TG: variants seen among roughly 807,000 people sequenced by gnomAD.
The protein encoded by TG is thyroid hormones.
In TG, 270 loss-of-function variants were observed where a neutral mutation model predicts 324.7. That is an observed-to-expected ratio of 0.83 (90% CI 0.75 to 0.92). TG has a LOEUF of 0.92. Ranked by LOEUF, TG falls within the 40% of genes least tolerant of loss-of-function variation. The probability of loss-of-function intolerance (pLI) is 0.00; values close to 1 mark genes in which losing one functional copy is unlikely to be tolerated. For missense variants in TG, 3,591 were observed against 3,456.4 expected (o/e 1.04, Z -0.98); for synonymous variants, 1,401 against 1,327.0 (o/e 1.06, Z -1.21).
Position 132,948,757 on chromosome 8 carries a change from T to G in TG, c.5234-19T>G. The G allele has an allele frequency of 6.2e-7, 1 of 1,612,896 alleles. No individual in the cohort carries two copies. The highest frequency in any genetic ancestry group is 1.7e-5 in the Admixed American group (1 of 60,022). On this transcript the variant is annotated intron_variant, in intron 26 of 47. Coordinates refer to ENST00000220616, the MANE Select transcript of TG (RefSeq NM_003235.5). ...CCCCCTCCATCACACTGACCTCTCC[T>G]ACCTCTTGTGATTCTCAGGTGCCAT...
chr8:132,906,422 A>G lies in TG; in HGVS notation c.3635-266A>G, dbSNP rs137896254. Among the ~76,000 whole-genome samples the G allele has an allele frequency of 2.0e-4, 30 of 152,242 alleles. No homozygotes were observed. The East Asian group carries it at 3.9e-3, about 20-fold the overall frequency. On this transcript the variant is annotated intron_variant, in intron 16 of 47. Transcript: ENST00000220616. ...GGCTTTAGAGATGAGAAGAAGCTCGAGTGCCTGAGCTGGACATCAAGCTAC... is the reference window on the plus strand; with the variant it reads ...GGCTTTAGAGATGAGAAGAAGCTCGGGTGCCTGAGCTGGACATCAAGCTAC...
At chr8:132,949,451 A>T (rs2687845) in intron 27 of TG, among the ~76,000 whole-genome samples, 1 of 152,156 alleles carries the variant, frequency 6.6e-6, no homozygotes, top group Non-Finnish European at 1.5e-5. Context: ...GGTGGGAAAT[A>T]GACTCTACTC....
At chr8:133,000,493 G>C (rs1833354627) in intron 35 of TG, among the ~76,000 whole-genome samples, 1 of 152,228 alleles carries the variant, frequency 6.6e-6, no homozygotes. Flanking sequence ...CCAAGTCACA[G>C]AGCTGGCAGG....
At position 133,055,379 on chromosome 8, in the gene TG, A is replaced by G. The variant is rs990328906; in HGVS notation, c.7239+25356A>G. ...CACGCACGCGCGCACACACACACAC[A>G]CACACACACACACACACACACACAC... On this transcript the variant is annotated intron_variant, in intron 41 of 47. Coordinates refer to ENST00000220616, the MANE Select transcript of TG (RefSeq NM_003235.5). 1.4e-4 allele frequency among the ~76,000 whole-genome samples: 10 copies of G among 69,118 alleles called. No individual in the cohort carries two copies. The East Asian group carries it at 3.1e-3, about 21-fold the overall frequency. 45.3% of individuals were successfully genotyped at this position (69,118 alleles called of 152,430 possible).
intron 43 of TG, among the ~76,000 whole-genome samples, chr8:133,097,522 A>C (rs1274102620): frequency 6.6e-6 from 1 of 152,250 alleles, no homozygotes; most frequent in Non-Finnish European, 1.5e-5. Context: ...TACTGGCTTA[A>C]GTGATGCCTC....
At position 133,131,871 on chromosome 8, in the gene TG, A is replaced by G. The variant is rs1426716160; in HGVS notation, c.7922A>G (p.Glu2641Gly). 4 of 1,613,990 alleles carry G rather than the reference A, an allele frequency of 2.5e-6. No homozygotes were observed. The African/African-American group carries it at 5.3e-5, about 22-fold the overall frequency. The change falls in exon 46 of 48, where the codon GAG (glutamate) becomes GGG (glycine). Residue 2641 changes from glutamate (E) to glycine (G), a missense_variant. Coordinates refer to ENST00000220616, the MANE Select transcript of TG (RefSeq NM_003235.5). ...GGGCTTCCCTTCTACCCAGCCTACG[A>G]GGGGCAGTTTTCTCTGGAGGAGAAG... ...ALGLPFYPAY[E>G]GQFSLEEKSL...
chr8:133,111,181 C>G (rs532235589), intron 43 of TG, among the ~76,000 whole-genome samples: 1 of 152,250 alleles, frequency 6.6e-6, no homozygotes, highest in African/African-American at 2.4e-5. Context: ...GTGTCCACAG[C>G]TCTGATGTGG....
intron 41 of TG, chr8:133,047,836 T>G: frequency 6.3e-7 from 1 of 1,578,566 alleles, no homozygotes; most frequent in Non-Finnish European, 8.7e-7. Context: ...TCACCTTTCT[T>G]GGTCTCACTC....
At chr8:132,991,030 G>A (rs1269987757) in intron 35 of TG, among the ~76,000 whole-genome samples, 1 of 137,334 alleles carries the variant, frequency 7.3e-6, no homozygotes, top group Non-Finnish European at 1.6e-5. Flanking sequence ...TTGTCTCGGT[G>A]GAGGCCTCAG....
At chr8:132,966,478 G>A in intron 29 of TG, 82 bp from the exon 30 acceptor site, 1 of 1,445,472 alleles carries the variant, frequency 6.9e-7, no homozygotes, top group East Asian at 2.3e-5. Context: ...GTGTGTGTGT[G>A]TGTGTGTGTT....
Position 132,983,102 on chromosome 8 carries a change from C to T in TG, c.6200-248C>T, listed in dbSNP as rs1564035690. On this transcript the variant is annotated intron_variant, in intron 34 of 47. Transcript: ENST00000220616. ...GAGACGATAACATAGAGCAAAGCCC[C>T]CAGCCTCTCTGCAGTAGGCAGGTGG... Among the ~76,000 whole-genome samples the T allele has an allele frequency of 2.0e-5, 3 of 152,078 alleles. No homozygotes were observed. In the South Asian group the frequency reaches 6.2e-4, roughly 32 times the overall value.
chr8:133,010,274 C>T (rs1834391126), intron 35 of TG, among the ~76,000 whole-genome samples: 1 of 152,170 alleles, frequency 6.6e-6, no homozygotes, highest in South Asian at 2.1e-4. Context: ...AGAGCCCCTA[C>T]CCAACCCCTC....
At chr8:133,077,365 G>A (rs983774401) in intron 41 of TG, among the ~76,000 whole-genome samples, 9 of 152,284 alleles carry the variant, frequency 5.9e-5, no homozygotes, top group East Asian at 1.9e-4. Context: ...GGTCAGGGCC[G>A]CAGGCTCTTC....
At chr8:132,894,375 A>G (rs1328998187) in intron 11 of TG, among the ~76,000 whole-genome samples, 2 of 152,164 alleles carry the variant, frequency 1.3e-5, no homozygotes, top group Non-Finnish European at 2.9e-5. Flanking sequence ...AACTCCAAAA[A>G]GCAGGAATTA....
intron 6 of TG, 22 bp downstream of exon 6, chr8:132,881,991 A>G (rs758282796): frequency 2.0e-6 from 3 of 1,521,026 alleles, no homozygotes; most frequent in Admixed American, 3.3e-5. Context: ...CCCTCAGGTG[A>G]TCTGAAGGGA....
chr8:132,878,804 A>G (rs541166961), intron 5 of TG, among the ~76,000 whole-genome samples: 1 of 152,002 alleles, frequency 6.6e-6, no homozygotes, highest in South Asian at 2.1e-4. Context: ...ACCCTTCTAG[A>G]TATGTTCTTC....
chr8:132,950,113 T>C (rs1468011403), intron 27 of TG, among the ~76,000 whole-genome samples: 3 of 152,216 alleles, frequency 2.0e-5, no homozygotes, highest in Non-Finnish European at 4.4e-5. Flanking sequence ...GCTTGAAAGT[T>C]TCCTTCCATC....
chr8:133,010,362 G>A (rs535815929), intron 35 of TG, among the ~76,000 whole-genome samples: 8 of 152,294 alleles, frequency 5.3e-5, no homozygotes, highest in Admixed American at 4.6e-4. Flanking sequence ...GCTTGTGATC[G>A]CCATAGTGTT....
chr8:132,962,159 A>G (rs1238206630), intron 28 of TG, among the ~76,000 whole-genome samples: 1 of 152,138 alleles, frequency 6.6e-6, no homozygotes, highest in African/African-American at 2.4e-5. Flanking sequence ...AGAGGAGAAA[A>G]GGAGGGGGAG....
Sources: gnomAD v4.1 joint callset for allele counts (sites outside exome capture counted in the v4.1 genomes callset) on GRCh38, gnomAD v4.1.1 for gene constraint, MANE v1.5 for transcripts, NCBI Gene and HGNC (gene_info 2026-07-23, HGNC 2026-07-21) for gene names.